Variants in DNAAF8 observed in about 807,000 individuals in gnomAD.
DNAAF8 encodes the protein dynein axonemal-associated protein 1.
DNAAF8 carries 61 observed loss-of-function variants against 54.6 expected under a neutral mutation model. The observed-to-expected ratio is 1.12, with a 90% CI of 0.91 to 1.38. The LOEUF (loss-of-function observed/expected upper bound fraction) is 1.38, where lower values mean the gene tolerates loss of function less well. Among genes scored for constraint, DNAAF8 ranks in the 40% most tolerant of loss-of-function variants. The pLI is 0.00. For synonymous variants in DNAAF8, 320 were observed against 270.1 expected (o/e 1.18, Z -1.81); for missense variants, 837 against 665.0 (o/e 1.26, Z -2.85).
Position 4,746,797 on chromosome 16 carries a change from A to ACC in DNAAF8, c.1182-129_1182-128dup, listed in dbSNP as rs1416930154. 6 of 887,798 alleles carry ACC rather than the reference A, an allele frequency of 6.8e-6. No individual in the cohort carries two copies. The Admixed American group carries it at 1.9e-4, about 28-fold the overall frequency. 55.0% of individuals were successfully genotyped at this position (887,798 alleles called of 1,614,324 possible). A position where few individuals can be genotyped will look rare whatever the true frequency, so the allele number is the denominator to read the frequency against. On this transcript the variant is annotated intron_variant, in intron 7 of 9. Coordinates refer to ENST00000299320, the MANE Select transcript of DNAAF8 (RefSeq NM_139170.3). ...GTCCTCACCTCCTGGCAGGACGTCC[A>ACC]CCGGCCTCCAGTGTGGCTGCTGACC...
intron 5 of DNAAF8, among the ~76,000 whole-genome samples, chr16:4,744,284 T>C (rs2081985698): frequency 6.6e-6 from 1 of 152,122 alleles, no homozygotes; most frequent in Non-Finnish European, 1.5e-5. Context: ...CTATTGCAAT[T>C]AGAAAATCTG....
At chr16:4,745,096 G>A (rs550906051) in intron 6 of DNAAF8, 85 bp downstream of exon 6, 127 of 1,485,412 alleles carry the variant, frequency 8.5e-5, no homozygotes, top group South Asian at 2.3e-4. Flanking sequence ...TACCAAGGGC[G>A]GGGCACTCCA....
intron 9 of DNAAF8, 99 bp downstream of exon 9, chr16:4,747,733 AT>A: frequency 7.3e-7 from 1 of 1,371,712 alleles, no homozygotes; most frequent in Non-Finnish European, 9.8e-7. Flanking sequence ...TAGCAGGGGC[AT>A]TCCAGAGGCA....
chr16:4,737,710 TGAGAGTG>T (rs764124675), intron 2 of DNAAF8, 83 bp from the exon 3 acceptor site: 103 of 1,487,350 alleles, frequency 6.9e-5, no homozygotes, highest in Admixed American at 2.1e-4. Flanking sequence ...GGGCTGGAAG[TGAGAGTG>T]GAGAGTGGAG....
At position 4,747,456 on chromosome 16, in the gene DNAAF8, C is replaced by T. The variant is rs17853375; in HGVS notation, c.1394C>T (p.Pro465Leu). 0.57 allele frequency: 919,496 copies of T among 1,613,040 alleles called. 271,818 individuals are homozygous for T. The highest frequency in any genetic ancestry group is 0.66 in the East Asian group (29,626 of 44,874). ...KGPAGGRAQA[P>L]EDTAGSRTGR... ...CCCGCGGGTGGGAGGGCTCAGGCCCCTGAAGACACAGCTGGATCACGAACT... is the reference window on the plus strand; with the variant it reads ...CCCGCGGGTGGGAGGGCTCAGGCCCTTGAAGACACAGCTGGATCACGAACT... The change falls in exon 9 of 10, where the codon CCT becomes CTT. Residue 465 changes from proline to leucine, a missense_variant. By Grantham distance (98) the Pro-to-Leu change is moderately conservative. Transcript: ENST00000299320.
chr16:4,739,265 G>GTTTT lies in DNAAF8; in HGVS notation c.277-870_277-867dup, dbSNP rs35113323. Among the ~76,000 whole-genome samples the GTTTT allele has an allele frequency of 2.7e-3, 184 of 69,040 alleles. 6 individuals carry two copies. Among genetic ancestry groups the GTTTT allele is most frequent in the Non-Finnish European group, 2.9e-3 (113 of 38,436 alleles). 45.3% of individuals were successfully genotyped at this position (69,040 alleles called of 152,430 possible). ...AAACTCTTCTGGATGATTTTTTCTT[G>GTTTT]TTTTTTTTTTTTTTTTTTTTTGTAA... On this transcript the variant is annotated intron_variant, in intron 3 of 9. Coordinates refer to ENST00000299320, the MANE Select transcript of DNAAF8 (RefSeq NM_139170.3).
chr16:4,746,884 A>G, intron 7 of DNAAF8, 43 bp from the exon 8 acceptor site: 3 of 1,480,522 alleles, frequency 2.0e-6, no homozygotes, highest in South Asian at 2.6e-5. Context: ...TTGGAACACC[A>G]GGTGGAGTGG....
At chr16:4,743,249 C>G (rs2081975398) in intron 5 of DNAAF8, 89 bp downstream of exon 5, 2 of 941,968 alleles carry the variant, frequency 2.1e-6, no homozygotes, top group Non-Finnish European at 1.6e-6. Context: ...AGGCTGGTCA[C>G]AGACAGTCCT....
In DNAAF8 at chr16:4,747,011, C is replaced by T. The variant is rs2082025961; in HGVS notation, c.1266C>T (p.Ser422=). 3.3e-6 allele frequency: 5 copies of T among 1,531,002 alleles called. No individual in the cohort carries two copies. Among genetic ancestry groups the T allele is most frequent in the Non-Finnish European group, 4.4e-6 (5 of 1,143,060 alleles). The allele number at this position is 1,531,002 out of a possible 1,614,324, so 94.8% of individuals were successfully genotyped here. A position where few individuals can be genotyped will look rare whatever the true frequency, so the allele number is the denominator to read the frequency against. The part of the protein sequence containing the change: ...ALGDAEGASP[S]SLGLRTCTGK... ...GAGACGCAGAGGGGGCATCTCCTTC[C>T]TCCCTGGGGCTACGGTAACCACCCA... Residue 422 remains serine, a synonymous_variant, in exon 8 of 10, where the codon TCC becomes TCT. Transcript: ENST00000299320.
chr16:4,739,715 T>G (rs942759966), intron 3 of DNAAF8, among the ~76,000 whole-genome samples: 1 of 151,594 alleles, frequency 6.6e-6, no homozygotes, highest in Non-Finnish European at 1.5e-5. Flanking sequence ...CTGGCTCATT[T>G]TTGTATTTTT....
intron 4 of DNAAF8, among the ~76,000 whole-genome samples, chr16:4,741,053 C>G (rs1452975700): frequency 1.7e-5 from 2 of 118,196 alleles, no homozygotes; most frequent in African/African-American, 6.7e-5. Context: ...GAAACCCCAT[C>G]TCTACTAAAA....
At chr16:4,739,265 G>GGTT (rs1555482695) in intron 3 of DNAAF8, among the ~76,000 whole-genome samples, 2 of 69,030 alleles carry the variant, frequency 2.9e-5, no homozygotes, top group Non-Finnish European at 2.6e-5. Context: ...ATTTTTTCTT[G>GGTT]TTTTTTTTTT....
intron 8 of DNAAF8, 141 bp from the exon 9 acceptor site, chr16:4,747,193 CCAGCAGTGG>C: frequency 1.6e-6 from 2 of 1,225,898 alleles, no homozygotes; most frequent in Non-Finnish European, 2.3e-6. Flanking sequence ...CCACTGGGTC[CCAGCAGTGG>C]CAGCAGTGAT....
At chr16:4,739,833 G>A (rs1423985495) in intron 3 of DNAAF8, among the ~76,000 whole-genome samples, 1 of 151,954 alleles carries the variant, frequency 6.6e-6, no homozygotes, top group African/African-American at 2.4e-5. Context: ...ATAGCTTGAG[G>A]CCAGGAACTT....
At chr16:4,744,021 C>T (rs921027254) in intron 5 of DNAAF8, among the ~76,000 whole-genome samples, 1 of 150,960 alleles carries the variant, frequency 6.6e-6, no homozygotes, top group African/African-American at 2.4e-5. Context: ...CCTCCACCTC[C>T]CGGGTTCAAG....
chr16:4,737,110 C>T (rs552038681), intron 2 of DNAAF8, among the ~76,000 whole-genome samples: 1 of 152,110 alleles, frequency 6.6e-6, no homozygotes. Flanking sequence ...GACGCTCAGA[C>T]CAATAGCCCT....
rs2081997065 is a variant in DNAAF8, at chr16:4,745,060, C to G, written c.1043+49C>G. 5 of 1,590,112 alleles carry G rather than the reference C, an allele frequency of 3.1e-6. No homozygotes were observed. The East Asian group carries it at 1.1e-4, about 36-fold the overall frequency. ...CTCCTGTGGTCCTTTAGAATGGCCCCATGGTTTTGTAGCACTGACTGGGCC... is the reference window on the plus strand; with the variant it reads ...CTCCTGTGGTCCTTTAGAATGGCCCGATGGTTTTGTAGCACTGACTGGGCC... On this transcript the variant is annotated intron_variant, in intron 6 of 9. Transcript: ENST00000299320.
intron 7 of DNAAF8, 35 bp from the exon 8 acceptor site, chr16:4,746,892 T>G: frequency 1.3e-6 from 2 of 1,500,280 alleles, no homozygotes; most frequent in African/African-American, 2.8e-5. Context: ...CCAGGTGGAG[T>G]GGGCACATCC....
chr16:4,745,099 G>T (rs1286082436), intron 6 of DNAAF8, 88 bp downstream of exon 6: 3 of 1,473,114 alleles, frequency 2.0e-6, no homozygotes, highest in Admixed American at 3.7e-5. Flanking sequence ...CAAGGGCGGG[G>T]CACTCCATGT....
Sources: gnomAD v4.1 joint callset for allele counts (sites outside exome capture counted in the v4.1 genomes callset) on GRCh38, gnomAD v4.1.1 for gene constraint, MANE v1.5 for transcripts, NCBI Gene and HGNC (gene_info 2026-07-23, HGNC 2026-07-21) for gene names.